ATXN7: variants seen among roughly 807,000 people sequenced by gnomAD.
ATXN7 encodes ataxin 7, also known as ataxin-7.
A neutral mutation model predicts 70.5 loss-of-function variants in ATXN7; 12 were observed. The observed-to-expected ratio is 0.17, with a 90% CI of 0.11 to 0.28. The LOEUF (loss-of-function observed/expected upper bound fraction) is 0.28, where lower values mean the gene tolerates loss of function less well. ATXN7 is among the 10% of genes least tolerant of loss of function. ATXN7 has a pLI of 1.00. For missense variants in ATXN7, 1,256 were observed against 1,131.7 expected, an observed-to-expected ratio of 1.11 and a Z score of -1.58; for synonymous variants, 498 against 448.7, an observed-to-expected ratio of 1.11 and a Z score of -1.39.
intron 5 of ATXN7, among the ~76,000 whole-genome samples, chr3:63,976,342 C>T (rs138157409): frequency 2.4e-4 from 36 of 152,218 alleles, no homozygotes; most frequent in Middle Eastern, 3.4e-3. Context: ...GTTACCAGTC[C>T]GTGATAATTC....
intron 4 of ATXN7, among the ~76,000 whole-genome samples, chr3:63,935,583 T>TC (rs2074646131): frequency 6.6e-6 from 1 of 152,150 alleles, no homozygotes; most frequent in Non-Finnish European, 1.5e-5. Context: ...TGCCTTTTTT[T>TC]CCCCAGTAGT....
intron 6 of ATXN7, among the ~76,000 whole-genome samples, 166 bp from the exon 7 acceptor site, chr3:63,982,020 A>G (rs2075495922): frequency 6.6e-6 from 1 of 152,188 alleles, no homozygotes; most frequent in Non-Finnish European, 1.5e-5. Context: ...TATAGACTTA[A>G]TCAGTATGAA....
At chr3:63,959,322 G>T (rs1010845286) in intron 5 of ATXN7, among the ~76,000 whole-genome samples, 1 of 152,132 alleles carries the variant, frequency 6.6e-6, no homozygotes, top group Non-Finnish European at 1.5e-5. Context: ...TGGAAGACTT[G>T]TACCAGGTCT....
rs766342876 is a variant in ATXN7 at position 63,996,098 on chromosome 3, A to C, written c.2276A>C (p.Asn759Thr). ...TVTSSHSIGL[N>T]CVTNKANAVN... The stretch of plus-strand genomic sequence containing the variant: ...ACATCTTCCCATAGCATCGGCCTCA[A>C]CTGTGTGACGAATAAAGCAAATGCG... Residue 759 changes from asparagine to threonine, a missense_variant, in exon 12 of 13, where the codon AAC becomes ACC. By Grantham distance (65) the Asn-to-Thr change is moderately conservative (BLOSUM62 0). Transcript: ENST00000674280. 1 of 1,614,210 alleles carries C rather than the reference A, an allele frequency of 6.2e-7. No individual in the cohort carries two copies. The highest frequency in any genetic ancestry group is 2.2e-5 in the East Asian group (1 of 44,882).
At chr3:63,933,160 C>T (rs1388176143) in intron 4 of ATXN7, among the ~76,000 whole-genome samples, 2 of 152,178 alleles carry the variant, frequency 1.3e-5, no homozygotes, top group African/African-American at 4.8e-5. Context: ...TGTCAGAGGT[C>T]TATCTAGATG....
intron 4 of ATXN7, among the ~76,000 whole-genome samples, chr3:63,951,162 T>C (rs2074947351): frequency 6.6e-6 from 1 of 152,150 alleles, no homozygotes; most frequent in African/African-American, 2.4e-5. Context: ...TGCTAGACTC[T>C]AGTATATTTC....
intron 1 of ATXN7, among the ~76,000 whole-genome samples, chr3:63,874,804 G>C (rs1702702666): frequency 6.6e-6 from 1 of 152,182 alleles, no homozygotes; most frequent in Admixed American, 6.5e-5. Context: ...GTTGGTGTGT[G>C]TCTTAGTCTG....
At position 63,982,453 on chromosome 3, in the gene ATXN7, C is replaced by T. The variant is rs1366794827; in HGVS notation, c.1012+8C>T. The T allele has an allele frequency of 6.3e-7, 1 of 1,584,870 alleles. No individual in the cohort carries two copies. Among genetic ancestry groups the T allele is most frequent in the South Asian group, 1.1e-5 (1 of 89,098 alleles). ...TAAATAAGAGATTATCAGGTAACTT[C>T]AAATTTTCTTTCTTCATAATGCTTC... On this transcript the variant is annotated splice_region_variant and intron_variant, in intron 7 of 12. Transcript: ENST00000674280.
At chr3:63,952,542 A>G in intron 5 of ATXN7, 59 bp downstream of exon 5, 1 of 1,258,414 alleles carries the variant, frequency 7.9e-7, no homozygotes, top group Non-Finnish European at 1.1e-6. Flanking sequence ...AGCAAGATTA[A>G]ACTAAGGAAC....
At chr3:63,990,105 T>A in intron 9 of ATXN7, 71 bp from the exon 10 acceptor site, 1 of 1,471,100 alleles carries the variant, frequency 6.8e-7, no homozygotes, top group East Asian at 2.3e-5. Flanking sequence ...GGACACACTG[T>A]TGTATCTCAG....
In ATXN7 at chr3:63,982,889, A is replaced by G. The variant is rs780976365; in HGVS notation, c.1013-50A>G. The stretch of plus-strand genomic sequence containing the variant: ...TTCTATTTTCTTGCTTAAAAAATAC[A>G]TGGAGGAGAGTTTGTCAGGCCACAT... On this transcript the variant is annotated intron_variant, in intron 7 of 12. Transcript: ENST00000674280. 2.7e-5 allele frequency: 38 copies of G among 1,397,950 alleles called. No individual in the cohort carries two copies. In the African/African-American group the frequency reaches 3.0e-4, roughly 11 times the overall value. The allele number at this position is 1,397,950 out of a possible 1,614,324, so 86.6% of individuals were successfully genotyped here.
In ATXN7 at chr3:63,988,241, C is replaced by T. The variant is rs1168306337; in HGVS notation, c.1278C>T (p.His426=). The T allele has an allele frequency of 2.5e-6, 4 of 1,613,978 alleles. No individual in the cohort carries two copies. Among genetic ancestry groups the T allele is most frequent in the East Asian group, 4.5e-5 (2 of 44,882 alleles). ...PAPPRTSQEP[H]QNPHGVIPSE... is the part of the protein sequence containing the mutation. ...CTCCTAGAACGTCACAGGAGCCGCA[C>T]CAAAACCCTCACGGAGTGATTCCTT... Residue 426 remains histidine, a synonymous_variant, in exon 9 of 13, where the codon CAC becomes CAT. Coordinates refer to ENST00000674280, the MANE Select transcript of ATXN7 (RefSeq NM_001377405.1).
intron 5 of ATXN7, among the ~76,000 whole-genome samples, chr3:63,955,110 G>A (rs1252662279): frequency 3.9e-5 from 6 of 152,128 alleles, no homozygotes; most frequent in African/African-American, 7.2e-5. Flanking sequence ...ATGACAAAGC[G>A]TTGGTGATAA....
chr3:63,877,905 T>G (rs1702792920), intron 1 of ATXN7, among the ~76,000 whole-genome samples: 2 of 152,168 alleles, frequency 1.3e-5, no homozygotes, highest in Admixed American at 1.3e-4. Flanking sequence ...CAAAGCAGAT[T>G]ATGGTATAAG....
chr3:63,971,591 T>C (rs552486907), intron 5 of ATXN7, among the ~76,000 whole-genome samples: 1 of 152,310 alleles, frequency 6.6e-6, no homozygotes, highest in East Asian at 1.9e-4. Context: ...AAATATTAAA[T>C]GCTCGATGTT....
intron 1 of ATXN7, among the ~76,000 whole-genome samples, chr3:63,883,327 A>T (rs1702974615): frequency 6.6e-6 from 1 of 152,214 alleles, no homozygotes; most frequent in African/African-American, 2.4e-5. Context: ...GTCACCAGAG[A>T]TTTTATTAGC....
At chr3:63,962,821 G>T (rs1051686000) in intron 5 of ATXN7, among the ~76,000 whole-genome samples, 2 of 151,918 alleles carry the variant, frequency 1.3e-5, no homozygotes, top group African/African-American at 4.8e-5. Context: ...TGTGCTACTT[G>T]AGTCTCAGTC....
At chr3:63,890,044 A>G (rs983351221) in intron 1 of ATXN7, among the ~76,000 whole-genome samples, 1 of 152,220 alleles carries the variant, frequency 6.6e-6, no homozygotes, top group Admixed American at 6.5e-5. Flanking sequence ...ACCATCAGCT[A>G]TATGCCAGCC....
chr3:63,877,664 CCTT>C (rs1376740201), intron 1 of ATXN7, among the ~76,000 whole-genome samples: 3 of 152,182 alleles, frequency 2.0e-5, no homozygotes, highest in Non-Finnish European at 2.9e-5. Context: ...CATTTGGGGT[CCTT>C]GTTGGAGTGG....
Sources: gnomAD v4.1 joint callset for allele counts (sites outside exome capture counted in the v4.1 genomes callset) on GRCh38, gnomAD v4.1.1 for gene constraint, MANE v1.5 for transcripts, NCBI Gene and HGNC (gene_info 2026-07-23, HGNC 2026-07-21) for gene names.